CACNA1C: variants seen among roughly 807,000 people sequenced by gnomAD.
CACNA1C encodes calcium voltage-gated channel subunit alpha1 C, also known as voltage-dependent L-type calcium channel subunit alpha-1C.
CACNA1C carries 30 observed loss-of-function variants against 229.0 expected under a neutral mutation model. The ratio of observed to expected loss-of-function variants is 0.13; its 90% CI spans 0.10 to 0.18. The LOEUF is 0.18. Among genes scored for constraint, CACNA1C ranks in the 10% least tolerant of loss-of-function variants. The pLI, the probability that CACNA1C is intolerant of heterozygous loss-of-function variation, is 1.00. For missense variants in CACNA1C, 1,658 were observed against 2,845.0 expected (o/e 0.58, Z 9.49); for synonymous variants, 1,114 against 1,132.5 (o/e 0.98, Z 0.33).
Position 2,053,455 on chromosome 12 carries a change from G to C in CACNA1C, c.-108G>C. The C allele has an allele frequency of 6.8e-7, 1 of 1,479,748 alleles. No individual in the cohort carries two copies. The highest frequency in any genetic ancestry group is 2.7e-5 in the East Asian group (1 of 37,408). 91.7% of individuals were successfully genotyped at this position (1,479,748 alleles called of 1,614,324 possible). On this transcript the variant is annotated 5_prime_UTR_variant, in exon 1 of 47. Coordinates refer to ENST00000399655, the MANE Select transcript of CACNA1C (RefSeq NM_000719.7). The surrounding 1 kb of genome is among the most constrained non-coding windows in gnomAD (Gnocchi z 5.8). ...AGACCACGGCTTCCTCGAATCTTGC[G>C]CGAAAGCCGCCGGCCTCGGAGGAGG...
intron 1 of CACNA1C, among the ~76,000 whole-genome samples, chr12:2,086,629 G>T (rs1351170247): frequency 1.3e-5 from 2 of 152,174 alleles, no homozygotes; most frequent in Non-Finnish European, 2.9e-5. Context: ...TCCTGGTCAG[G>T]TGGCCTTCCA....
At chr12:2,208,442 G>A (rs939351327) in intron 3 of CACNA1C, among the ~76,000 whole-genome samples, 6 of 152,200 alleles carry the variant, frequency 3.9e-5, no homozygotes, top group African/African-American at 4.8e-5. Context: ...GATGAGGGCT[G>A]CCCATGTTAT....
chr12:2,655,341 G>T (rs539496111), intron 34 of CACNA1C, 103 bp downstream of exon 34: 1 of 685,404 alleles, frequency 1.5e-6, no homozygotes, highest in Non-Finnish European at 2.5e-6. Context: ...CGGGGAGTAG[G>T]AAGGGAGAGG....
intron 29 of CACNA1C, among the ~76,000 whole-genome samples, chr12:2,628,721 A>G (rs1409310099): frequency 6.8e-6 from 1 of 146,796 alleles, no homozygotes; most frequent in Admixed American, 7.0e-5. Context: ...AGCCTGGGCA[A>G]CATAGCAAGA....
Position 2,033,791 on chromosome 12 carries a change from T to C in CACNA1C, c.139+62590T>C, listed in dbSNP as rs1417707827. ...GAACCTCAGCAGATGCAGCTGCCAATAAAGTTAAAGTAAATGTAGGCACCG... is the reference window on the plus strand; with the variant it reads ...GAACCTCAGCAGATGCAGCTGCCAACAAAGTTAAAGTAAATGTAGGCACCG... On this transcript the variant is annotated intron_variant, in intron 1 of 46. Coordinates refer to the CACNA1C transcript ENST00000682462. 3.3e-5 allele frequency among the ~76,000 whole-genome samples: 5 copies of C among 152,094 alleles called. No individual in the cohort carries two copies. In the East Asian group the frequency reaches 9.6e-4, roughly 29 times the overall value.
chr12:2,232,724 TA>T (rs2065817901), intron 3 of CACNA1C, among the ~76,000 whole-genome samples: 1 of 152,214 alleles, frequency 6.6e-6, no homozygotes, highest in Non-Finnish European at 1.5e-5. Flanking sequence ...ATTTATTAAC[TA>T]GACTTCTCCC....
At chr12:2,335,938 A>G (rs1248303706) in intron 3 of CACNA1C, among the ~76,000 whole-genome samples, 2 of 152,146 alleles carry the variant, frequency 1.3e-5, no homozygotes, top group East Asian at 3.9e-4. Context: ...GTTCAAGTAC[A>G]AACAGTTTGC....
At chr12:2,004,514 C>A (rs952460650) in intron 1 of CACNA1C, 15 of 1,510,228 alleles carry the variant, frequency 9.9e-6, no homozygotes, top group Non-Finnish European at 1.2e-5. Flanking sequence ...GCCTCGCAAC[C>A]GAGAACCCAC....
At chr12:2,257,124 A>G (rs1478806826) in intron 3 of CACNA1C, among the ~76,000 whole-genome samples, 2 of 152,158 alleles carry the variant, frequency 1.3e-5, no homozygotes, top group Admixed American at 6.5e-5. Context: ...CAGCACTCAG[A>G]CAGTCACAGA....
chr12:2,027,070 T>C (rs1396805459), intron 1 of CACNA1C, among the ~76,000 whole-genome samples: 2 of 152,162 alleles, frequency 1.3e-5, no homozygotes, highest in Admixed American at 1.3e-4. Flanking sequence ...AAAATGGTTA[T>C]TTTTTTGTTT....
intron 11 of CACNA1C, among the ~76,000 whole-genome samples, chr12:2,565,280 A>G (rs943245068): frequency 2.0e-5 from 3 of 151,364 alleles, no homozygotes; most frequent in Non-Finnish European, 4.4e-5. Flanking sequence ...CATCCTGGCT[A>G]ACAAGGTGAA....
At position 2,504,550 on chromosome 12, in the gene CACNA1C, C is replaced by A; in HGVS notation, c.1114-292C>A. On this transcript the variant is annotated intron_variant, in intron 7 of 46. Transcript: ENST00000399655. The surrounding 1 kb of genome is among the most constrained non-coding windows in gnomAD (Gnocchi z 6.8). ...CGGTGTGTTGAGCGGGTAAGCTGACCGTTTCTATGTCCTCTCCACAACGCA... is the reference window on the plus strand; with the variant it reads ...CGGTGTGTTGAGCGGGTAAGCTGACAGTTTCTATGTCCTCTCCACAACGCA... 1 of 1,483,942 alleles carries A rather than the reference C, an allele frequency of 6.7e-7. No individual in the cohort carries two copies. Among genetic ancestry groups the A allele is most frequent in the South Asian group, 1.1e-5 (1 of 88,486 alleles). 91.9% of individuals were successfully genotyped at this position (1,483,942 alleles called of 1,614,324 possible). A position where few individuals can be genotyped will look rare whatever the true frequency, so the allele number is the denominator to read the frequency against.
At chr12:2,453,480 G>A (rs1342748521) in intron 4 of CACNA1C, among the ~76,000 whole-genome samples, 1 of 152,142 alleles carries the variant, frequency 6.6e-6, no homozygotes, top group Non-Finnish European at 1.5e-5. Context: ...AGCGTGTAGT[G>A]CACTCTGTGG....
chr12:2,654,352 G>A lies in CACNA1C; in HGVS notation c.4140+452G>A, dbSNP rs915510416. On this transcript the variant is annotated intron_variant, in intron 33 of 46. Transcript: ENST00000399655. This position sits in a 1 kb window ranked among gnomAD's most constrained non-coding sequence, Gnocchi z 4.4. ...TAATGGCTGAGAGGGAGGGAGGGAAGAAGGAAGCAAGGAAGGGCCAAATCA... is the reference window on the plus strand; with the variant it reads ...TAATGGCTGAGAGGGAGGGAGGGAAAAAGGAAGCAAGGAAGGGCCAAATCA... 2.6e-5 allele frequency among the ~76,000 whole-genome samples: 4 copies of A among 152,182 alleles called. No homozygotes were observed. The highest frequency in any genetic ancestry group is 3.2e-3 in the Middle Eastern group (1 of 316).
chr12:2,167,730 C>T (rs2096295555), intron 3 of CACNA1C, among the ~76,000 whole-genome samples: 1 of 152,176 alleles, frequency 6.6e-6, no homozygotes, highest in Non-Finnish European at 1.5e-5. Flanking sequence ...CTTCCATTTT[C>T]CAGCTGCCCC....
intron 1 of CACNA1C, among the ~76,000 whole-genome samples, chr12:2,042,398 T>C (rs1324141817): frequency 6.6e-6 from 1 of 152,228 alleles, no homozygotes; most frequent in Non-Finnish European, 1.5e-5. Context: ...ATACTATTAA[T>C]GTACAACTGA....
intron 9 of CACNA1C, among the ~76,000 whole-genome samples, chr12:2,516,129 G>A (rs1483132733): frequency 6.6e-6 from 1 of 152,160 alleles, no homozygotes; most frequent in Non-Finnish European, 1.5e-5. Context: ...CACGATCGAG[G>A]CAGCATTGGA....
chr12:2,574,106 G>C, intron 13 of CACNA1C, among the ~76,000 whole-genome samples: 1 of 152,184 alleles, frequency 6.6e-6, no homozygotes, highest in East Asian at 1.9e-4. Context: ...CAGGAAGCCT[G>C]TACTAGACTG....
intron 1 of CACNA1C, among the ~76,000 whole-genome samples, chr12:2,005,042 A>G (rs1002080043): frequency 2.6e-5 from 4 of 151,878 alleles, no homozygotes; most frequent in Non-Finnish European, 5.9e-5. Flanking sequence ...TTTGCAGACA[A>G]TGGTGGTTAA....
Sources: gnomAD v4.1 joint callset for allele counts (sites outside exome capture counted in the v4.1 genomes callset) on GRCh38, gnomAD v4.1.1 for gene constraint, Gnocchi (gnomAD v3.1) non-coding constraint, MANE v1.5 for transcripts, NCBI Gene and HGNC (gene_info 2026-07-23, HGNC 2026-07-21) for gene names.